Variants in ZNF385D observed in about 807,000 individuals in gnomAD.
ZNF385D encodes zinc finger protein 385D.
ZNF385D carries 15 observed loss-of-function variants against 35.8 expected under a neutral mutation model. The observed-to-expected ratio is 0.42, with a 90% CI of 0.28 to 0.64. The LOEUF is 0.64. Among genes scored for constraint, ZNF385D ranks in the 30% least tolerant of loss-of-function variants. The probability of loss-of-function intolerance (pLI) is 0.23; values close to 1 mark genes in which losing one functional copy is unlikely to be tolerated. For missense variants in ZNF385D, 474 were observed against 494.6 expected (o/e 0.96, Z 0.39); for synonymous variants, 212 against 186.8 (o/e 1.13, Z -1.10).
At chr3:21,537,455 T>A (rs927743892) in intron 3 of ZNF385D, among the ~76,000 whole-genome samples, 1 of 152,064 alleles carries the variant, frequency 6.6e-6, no homozygotes, top group East Asian at 1.9e-4. Context: ...CAACATTTTT[T>A]AAAAAGACAC....
intron 2 of ZNF385D, among the ~76,000 whole-genome samples, chr3:22,353,685 T>C (rs1325917443): frequency 2.0e-5 from 3 of 152,182 alleles, no homozygotes; most frequent in Non-Finnish European, 4.4e-5. Context: ...CTCATGGTGA[T>C]TTCAATATGC....
chr3:22,367,211 A>C (rs185986420), intron 2 of ZNF385D, among the ~76,000 whole-genome samples: 64 of 152,294 alleles, frequency 4.2e-4, no homozygotes, highest in African/African-American at 1.4e-3. Flanking sequence ...TAAGTCTTCA[A>C]TCAGTGCTCT....
intron 3 of ZNF385D, among the ~76,000 whole-genome samples, chr3:21,941,156 TA>T (rs1026166565): frequency 7.9e-5 from 12 of 152,198 alleles, no homozygotes; most frequent in African/African-American, 2.9e-4. Flanking sequence ...GTATGGTGGT[TA>T]AAAGGGAAGT....
At chr3:22,150,111 A>G (rs1488788370) in intron 3 of ZNF385D, among the ~76,000 whole-genome samples, 1 of 152,216 alleles carries the variant, frequency 6.6e-6, no homozygotes, top group African/African-American at 2.4e-5. Context: ...CAAGAATCTC[A>G]TTAAATAAAC....
rs190079005 is a variant in ZNF385D, at chr3:22,267,462, A to G, written c.107-98427T>C. On this transcript the variant is annotated intron_variant, in intron 2 of 5. Coordinates refer to the ZNF385D transcript ENST00000494108. ...GAATAACTTGCATGTATCAGCAATT[A>G]TATTTTTATTATTTTGAAACAGTTT... Among the ~76,000 whole-genome samples the G allele has an allele frequency of 2.2e-3, 329 of 151,982 alleles. 2 individuals are homozygous for G. Among genetic ancestry groups the G allele is most frequent in the Non-Finnish European group, 3.8e-3 (255 of 67,888 alleles).
At chr3:22,108,798 A>G (rs1217370540) in intron 3 of ZNF385D, among the ~76,000 whole-genome samples, 2 of 152,146 alleles carry the variant, frequency 1.3e-5, no homozygotes, top group Non-Finnish European at 2.9e-5. Context: ...GGATCACTTG[A>G]GGTCATGAGT....
Position 21,465,643 on chromosome 3 carries a change from G to A in ZNF385D, c.440-28440C>T, listed in dbSNP as rs1196553651. Among the ~76,000 whole-genome samples the A allele has an allele frequency of 1.3e-5, 2 of 152,186 alleles. No individual in the cohort carries two copies. The highest frequency in any genetic ancestry group is 2.9e-5 in the Non-Finnish European group (2 of 68,038). ...CCTGGCACTCTTGTCTCACATCTGTGTAAGTCTCCGTGTATCTTATTTTCT... is the reference window on the plus strand; with the variant it reads ...CCTGGCACTCTTGTCTCACATCTGTATAAGTCTCCGTGTATCTTATTTTCT... On this transcript the variant is annotated intron_variant, in intron 4 of 7. Coordinates refer to ENST00000281523, the MANE Select transcript of ZNF385D (RefSeq NM_024697.3). The surrounding 1 kb of genome is among the most constrained non-coding windows in gnomAD (Gnocchi z 4.2).
chr3:21,721,531 T>A (rs536363828), intron 1 of ZNF385D, among the ~76,000 whole-genome samples: 1 of 152,240 alleles, frequency 6.6e-6, no homozygotes, highest in South Asian at 2.1e-4. Context: ...GCTTTGAGTT[T>A]CTTTGAGATT....
At chr3:22,092,174 A>C (rs1317710600) in intron 3 of ZNF385D, among the ~76,000 whole-genome samples, 1 of 152,272 alleles carries the variant, frequency 6.6e-6, no homozygotes, top group East Asian at 1.9e-4. Context: ...TTCACAATTT[A>C]CTGCTTTATT....
intron 3 of ZNF385D, among the ~76,000 whole-genome samples, chr3:22,039,669 G>C (rs7623423): frequency 1.3e-5 from 2 of 152,006 alleles, no homozygotes; most frequent in South Asian, 2.1e-4. Context: ...GTAGCTTCAT[G>C]TTAAATTCAT....
intron 3 of ZNF385D, among the ~76,000 whole-genome samples, chr3:21,883,462 T>C (rs1698382758): frequency 2.0e-5 from 3 of 152,008 alleles, no homozygotes; most frequent in Admixed American, 2.0e-4. Context: ...AGATTTTGCC[T>C]GATCATGAGG....
chr3:21,676,556 C>T (rs1260066822), intron 1 of ZNF385D, among the ~76,000 whole-genome samples: 2 of 151,972 alleles, frequency 1.3e-5, no homozygotes, highest in Admixed American at 6.6e-5. Context: ...TCCACACAAC[C>T]ATATTTTATT....
chr3:21,780,617 T>C (rs540606459), intron 3 of ZNF385D, among the ~76,000 whole-genome samples: 16 of 152,212 alleles, frequency 1.1e-4, no homozygotes, highest in Admixed American at 5.9e-4. Context: ...CCAACAGTAG[T>C]TCACATATGG....
intron 2 of ZNF385D, among the ~76,000 whole-genome samples, chr3:22,324,268 T>G (rs535144825): frequency 2.0e-5 from 3 of 152,116 alleles, no homozygotes; most frequent in Non-Finnish European, 4.4e-5. Flanking sequence ...TATAAATGTT[T>G]GAATTTAAAA....
chr3:22,126,306 AGTTG>A (rs754975164), intron 3 of ZNF385D, among the ~76,000 whole-genome samples: 2 of 129,528 alleles, frequency 1.5e-5, no homozygotes, highest in Admixed American at 8.7e-5. Context: ...TGTATTTGAA[AGTTG>A]TTTTTTTTTT....
At chr3:22,277,772 C>G (rs1160971812) in intron 2 of ZNF385D, among the ~76,000 whole-genome samples, 1 of 152,024 alleles carries the variant, frequency 6.6e-6, no homozygotes, top group East Asian at 1.9e-4. Context: ...CAGGTTACGG[C>G]TCTCTGAAGA....
intron 3 of ZNF385D, among the ~76,000 whole-genome samples, chr3:22,095,816 A>T (rs920183061): frequency 4.8e-5 from 7 of 146,066 alleles, no homozygotes; most frequent in Non-Finnish European, 1.1e-4. Context: ...TCAATTTTTT[A>T]AAATTAATTA....
In ZNF385D at chr3:21,701,786, T is replaced by C. The variant is rs562676816; in HGVS notation, c.23-36758A>G. On this transcript the variant is annotated intron_variant, in intron 1 of 7. Coordinates refer to ENST00000281523, the MANE Select transcript of ZNF385D (RefSeq NM_024697.3). Reference sequence around the variant, plus strand: ...CCAAAACAAGGGATTACAGGGCCCATGCAAGTCTGAAATCCAGCAGGGCAG... The same window carrying C: ...CCAAAACAAGGGATTACAGGGCCCACGCAAGTCTGAAATCCAGCAGGGCAG... Among the ~76,000 whole-genome samples the C allele has an allele frequency of 1.4e-4, 22 of 152,270 alleles. No individual in the cohort carries two copies. In the South Asian group the frequency reaches 3.7e-3, roughly 26 times the overall value.
intron 2 of ZNF385D, among the ~76,000 whole-genome samples, chr3:22,212,897 C>T (rs917066692): frequency 1.4e-4 from 22 of 151,876 alleles, no homozygotes; most frequent in East Asian, 3.9e-4. Flanking sequence ...GATGCACAGC[C>T]AAATTGATAA....
Sources: allele counts gnomAD v4.1 joint callset (sites outside exome capture counted in the v4.1 genomes callset), GRCh38; gene constraint gnomAD v4.1.1; non-coding constraint Gnocchi (gnomAD v3.1); transcripts MANE v1.5; gene names NCBI Gene and HGNC (gene_info 2026-07-23, HGNC 2026-07-21).